RFX3: variants seen among roughly 807,000 people sequenced by gnomAD.
The protein encoded by RFX3 is transcription factor RFX3.
Under a neutral mutation model 98.6 loss-of-function variants are expected in RFX3, and 14 were observed. The ratio of observed to expected loss-of-function variants is 0.14; its 90% CI spans 0.09 to 0.22. The LOEUF (loss-of-function observed/expected upper bound fraction) is 0.22, where lower values mean the gene tolerates loss of function less well. RFX3 is among the 10% of genes least tolerant of loss of function. RFX3 has a pLI of 1.00. For synonymous variants in RFX3, 383 were observed against 328.4 expected, an observed-to-expected ratio of 1.17 and a Z score of -1.80; for missense variants, 639 against 926.9, an observed-to-expected ratio of 0.69 and a Z score of 4.03.
At chr9:3,405,409 C>G (rs1841865465) in intron 1 of RFX3, among the ~76,000 whole-genome samples, 1 of 152,102 alleles carries the variant, frequency 6.6e-6, no homozygotes, top group Non-Finnish European at 1.5e-5. Flanking sequence ...TTTTAACTAC[C>G]CATTGAATCT....
chr9:3,320,285 G>T (rs187360453), intron 4 of RFX3, among the ~76,000 whole-genome samples: 11 of 152,038 alleles, frequency 7.2e-5, no homozygotes, highest in African/African-American at 2.7e-4. Flanking sequence ...GGGCGTGGTG[G>T]CTCACGCCTG....
chr9:3,249,164 C>T (rs1053989805), intron 14 of RFX3, among the ~76,000 whole-genome samples: 1 of 152,066 alleles, frequency 6.6e-6, no homozygotes, highest in African/African-American at 2.4e-5. Context: ...CTCACCTATG[C>T]CTCGTTTTAC....
intron 3 of RFX3, among the ~76,000 whole-genome samples, chr9:3,339,261 G>C (rs1038560142): frequency 6.6e-6 from 1 of 152,088 alleles, no homozygotes; most frequent in Non-Finnish European, 1.5e-5. Context: ...TACATAGTCA[G>C]TACATATATG....
intron 4 of RFX3, among the ~76,000 whole-genome samples, chr9:3,318,288 C>G (rs1830863221): frequency 6.6e-6 from 1 of 152,040 alleles, no homozygotes; most frequent in Non-Finnish European, 1.5e-5. Context: ...ATCCAAACAC[C>G]ACATGTTCTC....
At chr9:3,239,857 C>A (rs1819686412) in intron 15 of RFX3, among the ~76,000 whole-genome samples, 1 of 152,216 alleles carries the variant, frequency 6.6e-6, no homozygotes, top group South Asian at 2.1e-4. Flanking sequence ...CATACCACCT[C>A]TTCTTATCTG....
At chr9:3,363,156 T>C (rs1003814396) in intron 2 of RFX3, among the ~76,000 whole-genome samples, 2 of 152,230 alleles carry the variant, frequency 1.3e-5, no homozygotes, top group Admixed American at 1.3e-4. Flanking sequence ...TAAATAATAC[T>C]GTGGTGACCA....
intron 12 of RFX3, among the ~76,000 whole-genome samples, chr9:3,265,816 A>G (rs1166633459): frequency 6.6e-6 from 1 of 152,152 alleles, no homozygotes; most frequent in Non-Finnish European, 1.5e-5. Flanking sequence ...TATAGCAGGA[A>G]ATTTTAGAAA....
chr9:3,391,794 G>C (rs1840339261), intron 2 of RFX3, among the ~76,000 whole-genome samples: 1 of 152,106 alleles, frequency 6.6e-6, no homozygotes, highest in Non-Finnish European at 1.5e-5. Flanking sequence ...TTCTACTTAA[G>C]AAGCAATCAG....
At chr9:3,522,597 C>T (rs1818832715) in intron 1 of RFX3, among the ~76,000 whole-genome samples, 1 of 148,748 alleles carries the variant, frequency 6.7e-6, no homozygotes, top group Admixed American at 6.7e-5. Context: ...GTAACTTTTG[C>T]CACACATCTG....
At chr9:3,404,861 C>G (rs891816113) in intron 1 of RFX3, among the ~76,000 whole-genome samples, 2 of 152,088 alleles carry the variant, frequency 1.3e-5, no homozygotes, top group Non-Finnish European at 2.9e-5. Flanking sequence ...CTTTCACCAC[C>G]AAACTTGTTC....
chr9:3,366,892 A>T (rs1837274580), intron 2 of RFX3, among the ~76,000 whole-genome samples: 1 of 151,918 alleles, frequency 6.6e-6, no homozygotes, highest in Admixed American at 6.6e-5. Context: ...GTTTCCCCAT[A>T]TCCTTTGTAG....
chr9:3,384,102 G>A (rs1405957079), intron 2 of RFX3, among the ~76,000 whole-genome samples: 1 of 152,248 alleles, frequency 6.6e-6, no homozygotes, highest in East Asian at 1.9e-4. Flanking sequence ...TAAATCCCTA[G>A]AGGTTCCACA....
At chr9:3,440,489 A>G (rs1257733820) in intron 1 of RFX3, among the ~76,000 whole-genome samples, 5 of 152,144 alleles carry the variant, frequency 3.3e-5, no homozygotes, top group Non-Finnish European at 1.5e-5. Context: ...TAAATTTATA[A>G]TAGCATCCAC....
At chr9:3,421,509 G>T (rs1843437229) in intron 1 of RFX3, among the ~76,000 whole-genome samples, 1 of 152,180 alleles carries the variant, frequency 6.6e-6, no homozygotes, top group South Asian at 2.1e-4. Context: ...ATGACAGAAG[G>T]TGCGTGCATT....
In RFX3 at chr9:3,393,262, G is replaced by A. The variant is rs1356580964; in HGVS notation, c.117+2210C>T. 3.3e-5 allele frequency among the ~76,000 whole-genome samples: 5 copies of A among 152,186 alleles called. No individual in the cohort carries two copies. In the South Asian group the frequency reaches 6.2e-4, roughly 19 times the overall value. ...TATGAGGAGTGGTTTGTGGGAGAAT[G>A]GGGGAGGTTAAAGGCCATTTTTTTA... On this transcript the variant is annotated intron_variant, in intron 2 of 16. Coordinates refer to ENST00000617270, the MANE Select transcript of RFX3 (RefSeq NM_001282116.2).
At chr9:3,302,105 A>G (rs1411750589) in intron 4 of RFX3, among the ~76,000 whole-genome samples, 14 of 151,896 alleles carry the variant, frequency 9.2e-5, no homozygotes, top group Admixed American at 9.2e-4. Flanking sequence ...TTAATGTCCA[A>G]AAGTTACTAA....
In RFX3 at chr9:3,511,381, T is replaced by C. The variant is rs188539434; in HGVS notation, c.-9+14366A>G. 3.6e-4 allele frequency among the ~76,000 whole-genome samples: 55 copies of C among 152,074 alleles called. 1 individual carries two copies. Among genetic ancestry groups the C allele is most frequent in the African/African-American group, 1.3e-3 (54 of 41,540 alleles). On this transcript the variant is annotated intron_variant, in intron 1 of 16. Coordinates refer to ENST00000617270, the MANE Select transcript of RFX3 (RefSeq NM_001282116.2). ...TTTTTTTGGCTATAGATTTTAGAAT[T>C]GTAAAATAAACTTCTTTCATACCAG...
intron 5 of RFX3, among the ~76,000 whole-genome samples, chr9:3,298,562 CA>C (rs1236103992): frequency 1.3e-5 from 2 of 151,892 alleles, no homozygotes; most frequent in East Asian, 3.9e-4. Context: ...ACAAAACATA[CA>C]AAAATCCTTA....
chr9:3,485,061 A>C (rs1850142255), intron 1 of RFX3, among the ~76,000 whole-genome samples: 2 of 152,122 alleles, frequency 1.3e-5, no homozygotes, highest in Non-Finnish European at 2.9e-5. Flanking sequence ...TCAGTGAACT[A>C]TGACGGTATC....
Sources: gnomAD v4.1 joint callset for allele counts (sites outside exome capture counted in the v4.1 genomes callset) on GRCh38, gnomAD v4.1.1 for gene constraint, MANE v1.5 for transcripts, NCBI Gene and HGNC (gene_info 2026-07-23, HGNC 2026-07-21) for gene names.